The following EFNA5 variants were observed in gnomAD, a reference collection of about 807,000 sequenced individuals.
The protein encoded by EFNA5 is ephrin-A5.
EFNA5 carries 5 observed loss-of-function variants against 22.9 expected under a neutral mutation model. The observed-to-expected ratio is 0.22, with a 90% confidence interval of 0.11 to 0.46. EFNA5 has a LOEUF of 0.46. Ranked by LOEUF, EFNA5 falls within the 20% of genes least tolerant of loss-of-function variation. The pLI is 0.99. For missense variants in EFNA5, 237 were observed against 293.3 expected, an observed-to-expected ratio of 0.81 and a Z score of 1.40; for synonymous variants, 113 against 112.2, an observed-to-expected ratio of 1.01 and a Z score of -0.04.
intron 1 of EFNA5, among the ~76,000 whole-genome samples, chr5:107,501,513 C>T (rs1038105702): frequency 4.6e-5 from 7 of 152,100 alleles, no homozygotes; most frequent in Non-Finnish European, 2.9e-5. Flanking sequence ...ACCAAATTGC[C>T]CTGATTTAGC....
intron 1 of EFNA5, among the ~76,000 whole-genome samples, chr5:107,499,542 T>C (rs1006365875): frequency 4.6e-5 from 7 of 152,224 alleles, no homozygotes; most frequent in Admixed American, 4.6e-4. Context: ...TTGTTTTCTT[T>C]TGAAACAAAA....
intron 2 of EFNA5, among the ~76,000 whole-genome samples, chr5:107,419,000 T>C (rs1255788807): frequency 2.0e-5 from 3 of 152,220 alleles, no homozygotes; most frequent in Non-Finnish European, 4.4e-5. Flanking sequence ...TTCAATACCC[T>C]GTGTTCCTAT....
chr5:107,648,910 A>G (rs892593402), intron 1 of EFNA5, among the ~76,000 whole-genome samples: 1 of 152,198 alleles, frequency 6.6e-6, no homozygotes, highest in African/African-American at 2.4e-5. Context: ...GTTCCTCTTA[A>G]CTGAAAAAAC....
intron 1 of EFNA5, among the ~76,000 whole-genome samples, chr5:107,507,716 A>G (rs1490691400): frequency 6.6e-6 from 1 of 152,186 alleles, no homozygotes; most frequent in Non-Finnish European, 1.5e-5. Flanking sequence ...GCGCAGCTGT[A>G]GTTCCAGCTA....
intron 1 of EFNA5, among the ~76,000 whole-genome samples, chr5:107,580,516 A>C (rs1749019548): frequency 6.6e-6 from 1 of 152,092 alleles, no homozygotes; most frequent in Non-Finnish European, 1.5e-5. Flanking sequence ...TGAGGTCAGG[A>C]GATCGAGACC....
chr5:107,489,823 T>G (rs996319247), intron 1 of EFNA5, among the ~76,000 whole-genome samples: 1 of 152,214 alleles, frequency 6.6e-6, no homozygotes, highest in Non-Finnish European at 1.5e-5. Context: ...TTATGCTCTT[T>G]CTTGCTTGTA....
intron 1 of EFNA5, among the ~76,000 whole-genome samples, chr5:107,580,737 A>AAAAAAAAAG (rs1749050771): frequency 6.9e-6 from 1 of 144,146 alleles, no homozygotes; most frequent in Admixed American, 6.8e-5. Flanking sequence ...AAAAAAAAAA[A>AAAAAAAAAG]AAAGAAAAGA....
intron 1 of EFNA5, among the ~76,000 whole-genome samples, chr5:107,662,511 C>T (rs1750983534): frequency 1.3e-5 from 2 of 151,944 alleles, no homozygotes; most frequent in African/African-American, 4.8e-5. Flanking sequence ...CTTGGTTTTC[C>T]AAATGTATCC....
chr5:107,427,599 G>T, intron 1 of EFNA5, 90 bp from the exon 2 acceptor site: 1 of 1,245,536 alleles, frequency 8.0e-7, no homozygotes, highest in South Asian at 1.5e-5. Context: ...TAATTTTGGA[G>T]CTAAAGCATC....
At chr5:107,543,729 C>T (rs570150830) in intron 1 of EFNA5, among the ~76,000 whole-genome samples, 131 of 152,036 alleles carry the variant, frequency 8.6e-4, no homozygotes, top group Non-Finnish European at 1.5e-3. Flanking sequence ...ACCCTTTTTT[C>T]ATAGGAATGA....
chr5:107,427,615 T>A, intron 1 of EFNA5, 106 bp from the exon 2 acceptor site: 1 of 1,010,604 alleles, frequency 9.9e-7, no homozygotes, highest in Non-Finnish European at 1.4e-6. Flanking sequence ...GCATCTAGTA[T>A]AGTAAGTTCT....
At chr5:107,504,843 C>A (rs911324415) in intron 1 of EFNA5, among the ~76,000 whole-genome samples, 3 of 152,114 alleles carry the variant, frequency 2.0e-5, no homozygotes, top group East Asian at 3.8e-4. Flanking sequence ...TTAGGAATAA[C>A]CCTAATTATT....
chr5:107,641,744 A>G (rs1365352714), intron 1 of EFNA5, among the ~76,000 whole-genome samples: 1 of 152,214 alleles, frequency 6.6e-6, no homozygotes, highest in East Asian at 1.9e-4. Context: ...AAGCCAAAGC[A>G]AGTGTACAGC....
intron 1 of EFNA5, among the ~76,000 whole-genome samples, chr5:107,428,231 A>G (rs252803): frequency 0.8 from 122,252 of 152,174 alleles, 49,496 homozygotes; most frequent in African/African-American, 0.82. Context: ...TTGATGCAGC[A>G]TCTTTTCCAT....
intron 1 of EFNA5, among the ~76,000 whole-genome samples, chr5:107,635,146 A>G (rs1750346756): frequency 6.6e-6 from 1 of 152,252 alleles, no homozygotes; most frequent in Non-Finnish European, 1.5e-5. Context: ...GTCAAATTAA[A>G]GCGGAGCAAA....
At chr5:107,490,110 T>A (rs1432527069) in intron 1 of EFNA5, among the ~76,000 whole-genome samples, 6 of 152,182 alleles carry the variant, frequency 3.9e-5, no homozygotes, top group Non-Finnish European at 8.8e-5. Context: ...TAGCAATTAA[T>A]TCTAGGATTA....
At chr5:107,520,556 A>G (rs1186026012) in intron 1 of EFNA5, among the ~76,000 whole-genome samples, 5 of 152,178 alleles carry the variant, frequency 3.3e-5, no homozygotes, top group African/African-American at 1.2e-4. Flanking sequence ...CAAATTAACT[A>G]TTCTGTCTTT....
At chr5:107,462,650 A>G (rs1749864877) in intron 1 of EFNA5, among the ~76,000 whole-genome samples, 1 of 152,160 alleles carries the variant, frequency 6.6e-6, no homozygotes, top group South Asian at 2.1e-4. Flanking sequence ...ACATAAGATT[A>G]GAGATGAAAA....
At chr5:107,538,256 T>C (rs1056257004) in intron 1 of EFNA5, among the ~76,000 whole-genome samples, 3 of 152,226 alleles carry the variant, frequency 2.0e-5, no homozygotes, top group Non-Finnish European at 4.4e-5. Flanking sequence ...TGGATTCTTC[T>C]CTCAGATTTG....
Sources: gnomAD v4.1 joint callset for allele counts (sites outside exome capture counted in the v4.1 genomes callset) on GRCh38, gnomAD v4.1.1 for gene constraint, MANE v1.5 for transcripts, NCBI Gene and HGNC (gene_info 2026-07-23, HGNC 2026-07-21) for gene names.